KCNAB1: variants seen among roughly 807,000 people sequenced by gnomAD.
KCNAB1 encodes potassium voltage-gated channel subfamily A regulatory beta subunit 1, also known as voltage-gated potassium channel subunit beta-1.
In KCNAB1, 35 loss-of-function variants were observed where a neutral mutation model predicts 64.6. The observed-to-expected ratio is 0.54, with a 90% CI of 0.41 to 0.72. KCNAB1 has a LOEUF of 0.72. Ranked by LOEUF, KCNAB1 falls within the 30% of genes least tolerant of loss-of-function variation. The probability of loss-of-function intolerance (pLI) is 0.00; values close to 1 mark genes in which losing one functional copy is unlikely to be tolerated. For synonymous variants in KCNAB1, 177 were observed against 183.8 expected (o/e 0.96, Z 0.30); for missense variants, 401 against 512.9 (o/e 0.78, Z 2.11).
At chr3:156,201,266 C>A (rs1714313713) in intron 1 of KCNAB1, among the ~76,000 whole-genome samples, 1 of 152,222 alleles carries the variant, frequency 6.6e-6, no homozygotes, top group African/African-American at 2.4e-5. Context: ...ATTCGGCCAT[C>A]TTGCCAGATC....
chr3:156,273,216 T>C (rs1298238454), intron 1 of KCNAB1, among the ~76,000 whole-genome samples: 1 of 151,930 alleles, frequency 6.6e-6, no homozygotes, highest in Non-Finnish European at 1.5e-5. Flanking sequence ...CCTTAGCTGC[T>C]CTGGCAGATG....
intron 7 of KCNAB1, among the ~76,000 whole-genome samples, chr3:156,467,393 C>G (rs1239256848): frequency 6.6e-6 from 1 of 152,004 alleles, no homozygotes; most frequent in Non-Finnish European, 1.5e-5. Context: ...TGATTTTCTC[C>G]TTTTTAAAAA....
At chr3:156,384,100 A>G (rs1712383582) in intron 1 of KCNAB1, among the ~76,000 whole-genome samples, 3 of 152,230 alleles carry the variant, frequency 2.0e-5, no homozygotes, top group Admixed American at 6.5e-5. Flanking sequence ...GAGTCAGATT[A>G]AAGGGTTGTA....
intron 1 of KCNAB1, among the ~76,000 whole-genome samples, chr3:156,228,811 C>T (rs1351377592): frequency 6.6e-6 from 1 of 152,236 alleles, no homozygotes; most frequent in Non-Finnish European, 1.5e-5. Context: ...CACCCTATTT[C>T]TCCTTCCACA....
rs922780413 is a variant in KCNAB1 at position 156,468,210 on chromosome 3, A to G, written c.571+2524A>G. Among the ~76,000 whole-genome samples, 4 of 152,306 alleles carry G rather than the reference A, an allele frequency of 2.6e-5. No homozygotes were observed. In the East Asian group the frequency reaches 5.8e-4, roughly 22 times the overall value. ...GACCTATAAACAAGACTACGTTGAA[A>G]TATCTTAGACTTGCAATAGAAAAAA... On this transcript the variant is annotated intron_variant, in intron 7 of 13. Coordinates refer to ENST00000490337, the MANE Select transcript of KCNAB1 (RefSeq NM_172160.3).
intron 8 of KCNAB1, among the ~76,000 whole-genome samples, chr3:156,503,662 TGAG>T (rs1716614809): frequency 6.6e-6 from 1 of 152,166 alleles, no homozygotes; most frequent in African/African-American, 2.4e-5. Flanking sequence ...TTCTTAGAGA[TGAG>T]GTGAAAGATA....
chr3:156,431,375 C>T (rs1289495576), intron 2 of KCNAB1, among the ~76,000 whole-genome samples: 1 of 152,156 alleles, frequency 6.6e-6, no homozygotes, highest in Non-Finnish European at 1.5e-5. Context: ...TGCAATTAAG[C>T]TTATCTAACA....
In KCNAB1 at chr3:156,223,693, T is replaced by C. The variant is rs556049721; in HGVS notation, c.275+102807T>C. Among the ~76,000 whole-genome samples, 398 of 152,144 alleles carry C rather than the reference T, an allele frequency of 2.6e-3. 1 individual carries two copies. The highest frequency in any genetic ancestry group is 8.8e-3 in the African/African-American group (366 of 41,482). On this transcript the variant is annotated intron_variant, in intron 1 of 13. Coordinates refer to ENST00000490337, the MANE Select transcript of KCNAB1 (RefSeq NM_172160.3). ...CAGCTAGACACAGAGCGCTGATTGGTGCATCCACAGACCCTGAGCTAGACA... is the reference window on the plus strand; with the variant it reads ...CAGCTAGACACAGAGCGCTGATTGGCGCATCCACAGACCCTGAGCTAGACA...
At chr3:156,460,078 GA>G in intron 5 of KCNAB1, 1 of 504,024 alleles carries the variant, frequency 2.0e-6, no homozygotes, top group Non-Finnish European at 3.5e-6. Context: ...TGATCACAAT[GA>G]ATTACCAAAG....
At chr3:156,503,746 A>G (rs576081111) in intron 8 of KCNAB1, among the ~76,000 whole-genome samples, 3 of 152,210 alleles carry the variant, frequency 2.0e-5, no homozygotes, top group Non-Finnish European at 4.4e-5. Flanking sequence ...CTCAACCTCC[A>G]TTTATTTATT....
At chr3:156,372,203 C>A (rs541961489) in intron 1 of KCNAB1, among the ~76,000 whole-genome samples, 1 of 152,096 alleles carries the variant, frequency 6.6e-6, no homozygotes, top group African/African-American at 2.4e-5. Context: ...AATTTCCTCA[C>A]GGAGAAAATA....
intron 4 of KCNAB1, among the ~76,000 whole-genome samples, chr3:156,458,105 G>T (rs1007342108): frequency 2.6e-5 from 4 of 152,198 alleles, no homozygotes; most frequent in Non-Finnish European, 5.9e-5. Context: ...TGTAAGAGGG[G>T]ATCTCAGAGC....
intron 7 of KCNAB1, among the ~76,000 whole-genome samples, chr3:156,467,190 C>G (rs1364941286): frequency 3.3e-5 from 5 of 152,018 alleles, no homozygotes; most frequent in Admixed American, 6.6e-5. Flanking sequence ...TTATTGAATA[C>G]TGTTCTGAAA....
chr3:156,265,272 T>C (rs1718631903), intron 1 of KCNAB1, among the ~76,000 whole-genome samples: 1 of 152,220 alleles, frequency 6.6e-6, no homozygotes, highest in Non-Finnish European at 1.5e-5. Flanking sequence ...TTTAGGGGTT[T>C]TATCATTGCT....
intron 2 of KCNAB1, among the ~76,000 whole-genome samples, chr3:156,436,687 T>C (rs889003037): frequency 3.3e-5 from 5 of 152,240 alleles, no homozygotes; most frequent in Non-Finnish European, 7.3e-5. Context: ...CTTTTTGTCA[T>C]ATGTTTGTAG....
chr3:156,434,815 G>A (rs1716477238), intron 2 of KCNAB1, among the ~76,000 whole-genome samples: 1 of 152,120 alleles, frequency 6.6e-6, no homozygotes, highest in Non-Finnish European at 1.5e-5. Context: ...AAGGAGTTGG[G>A]ATCCATAAGA....
chr3:156,523,081 A>C (rs185729944), intron 11 of KCNAB1, among the ~76,000 whole-genome samples: 8 of 152,350 alleles, frequency 5.3e-5, no homozygotes, highest in Admixed American at 5.2e-4. Flanking sequence ...TTAGGAAATT[A>C]GGTTCATTTT....
intron 1 of KCNAB1, among the ~76,000 whole-genome samples, chr3:156,241,657 C>T (rs1341197852): frequency 6.6e-6 from 1 of 152,194 alleles, no homozygotes; most frequent in East Asian, 1.9e-4. Context: ...TGGTGCTGCT[C>T]TTCTAGCATT....
At position 156,393,986 on chromosome 3, in the gene KCNAB1, G is replaced by A. The variant is rs182826912; in HGVS notation, c.276-27630G>A. 8.5e-4 allele frequency among the ~76,000 whole-genome samples: 130 copies of A among 152,276 alleles called. 1 individual carries two copies. Among genetic ancestry groups the A allele is most frequent in the African/African-American group, 3.1e-3 (128 of 41,552 alleles). On this transcript the variant is annotated intron_variant, in intron 1 of 13. Coordinates refer to ENST00000490337, the MANE Select transcript of KCNAB1 (RefSeq NM_172160.3). ...GGGTTAGGGAGAGACCACAAATGCA[G>A]GAATTAGATGACCTGTGTTGGGGAC... is the stretch of plus-strand genomic sequence containing the variant.
Sources: gnomAD v4.1 joint callset for allele counts (sites outside exome capture counted in the v4.1 genomes callset) on GRCh38, gnomAD v4.1.1 for gene constraint, MANE v1.5 for transcripts, NCBI Gene and HGNC (gene_info 2026-07-23, HGNC 2026-07-21) for gene names.